SMCHD1: variants seen among roughly 807,000 people sequenced by gnomAD.
The protein encoded by SMCHD1 is structural maintenance of chromosomes flexible hinge domain-containing protein 1.
In SMCHD1, 78 loss-of-function variants were observed where a neutral mutation model predicts 254.7. The ratio of observed to expected loss-of-function variants is 0.31; its 90% CI spans 0.26 to 0.37. The LOEUF (loss-of-function observed/expected upper bound fraction) is 0.37. Among genes scored for constraint, SMCHD1 ranks in the 10% least tolerant of loss-of-function variants. The pLI is 1.00. For synonymous variants in SMCHD1, 766 were observed against 794.9 expected, an observed-to-expected ratio of 0.96 and a Z score of 0.61; for missense variants, 1,840 against 2,408.1, an observed-to-expected ratio of 0.76 and a Z score of 4.94.
intron 3 of SMCHD1, among the ~76,000 whole-genome samples, chr18:2,667,783 C>T (rs571786295): frequency 1.3e-5 from 2 of 152,134 alleles, no homozygotes; most frequent in African/African-American, 4.8e-5. Flanking sequence ...CTTTAACCTA[C>T]ATTTTGTTTA....
chr18:2,725,078 G>T (rs1358696255), intron 21 of SMCHD1, 83 bp downstream of exon 21: 2 of 834,132 alleles, frequency 2.4e-6, no homozygotes, highest in Non-Finnish European at 1.7e-6. Flanking sequence ...ATGAAAAGTG[G>T]AATGACCTAT....
At chr18:2,799,429 C>A (rs929479272) in intron 47 of SMCHD1, among the ~76,000 whole-genome samples, 2 of 152,162 alleles carry the variant, frequency 1.3e-5, no homozygotes, top group Non-Finnish European at 2.9e-5. Context: ...CCTATGCATC[C>A]TTACCCCTAT....
chr18:2,716,983 C>T (rs1190554435), intron 17 of SMCHD1, among the ~76,000 whole-genome samples: 2 of 152,246 alleles, frequency 1.3e-5, no homozygotes, highest in Non-Finnish European at 2.9e-5. Flanking sequence ...GCCCATATTA[C>T]ACTTGCCTCT....
At chr18:2,797,856 G>A (rs536221642) in intron 47 of SMCHD1, among the ~76,000 whole-genome samples, 79 of 152,274 alleles carry the variant, frequency 5.2e-4, no homozygotes, top group African/African-American at 1.9e-3. Flanking sequence ...AGCGGAGGTT[G>A]CAGTGAGCTG....
At chr18:2,790,221 C>T (rs1365072102) in intron 45 of SMCHD1, among the ~76,000 whole-genome samples, 2 of 152,062 alleles carry the variant, frequency 1.3e-5, no homozygotes, top group East Asian at 3.9e-4. Flanking sequence ...AGCATCTTAT[C>T]ATAATCAATA....
chr18:2,740,015 T>C (rs2075319037), intron 27 of SMCHD1, among the ~76,000 whole-genome samples: 2 of 151,696 alleles, frequency 1.3e-5, no homozygotes, highest in Non-Finnish European at 1.5e-5. Context: ...ACACGTGCCA[T>C]GGTGGTTTGC....
rs759587326 is a variant in SMCHD1 at position 2,763,707 on chromosome 18, A to G, written c.4637A>G (p.Glu1546Gly). 1 of 1,609,968 alleles carries G rather than the reference A, an allele frequency of 6.2e-7. No homozygotes were observed. The highest frequency in any genetic ancestry group is 1.7e-5 in the Admixed American group (1 of 59,362). The change falls in exon 37 of 48, where the codon GAG becomes GGG. Residue 1546 changes from glutamate to glycine, a missense_variant. Physicochemically the swap from Glu to Gly is moderately conservative, Grantham distance 98. This residue lies in a region of SMCHD1 where 881 missense variants were observed against 1,009.5 expected (regional missense o/e 0.87). Transcript: ENST00000320876. ...ATAGCCACCATTAAAGGCTCTAATG[A>G]GGAAGATACTGATACCCCACTTTTT... ...TIIATIKGSN[E>G]EDTDTPLFIG...
rs76979368 is a variant in SMCHD1 at position 2,762,975 on chromosome 18, G to A, written c.4567-662G>A. 8.8e-3 allele frequency among the ~76,000 whole-genome samples: 1,345 copies of A among 152,276 alleles called. 10 individuals carry two copies. The highest frequency in any genetic ancestry group is 0.02 in the Middle Eastern group (6 of 294). ...AGAAAATCAGAGCTCCTCCAAGGCT[G>A]CAGATTTCATGAAGCATAAGCAGCA... On this transcript the variant is annotated intron_variant, in intron 36 of 47. Coordinates refer to ENST00000320876, the MANE Select transcript of SMCHD1 (RefSeq NM_015295.3).
At chr18:2,717,522 A>G (rs1022379493) in intron 17 of SMCHD1, among the ~76,000 whole-genome samples, 6 of 152,100 alleles carry the variant, frequency 3.9e-5, no homozygotes, top group African/African-American at 1.2e-4. Context: ...TTGTAGAGAC[A>G]AGCCATCACT....
chr18:2,710,783 T>C (rs2074648532), intron 17 of SMCHD1, among the ~76,000 whole-genome samples: 1 of 152,208 alleles, frequency 6.6e-6, no homozygotes. Context: ...CTTTAACAGT[T>C]GAGTACATGC....
chr18:2,677,634 G>T (rs2073782756), intron 5 of SMCHD1, among the ~76,000 whole-genome samples: 1 of 152,190 alleles, frequency 6.6e-6, no homozygotes, highest in Admixed American at 6.5e-5. Flanking sequence ...GTTTTGTTTT[G>T]TTTTGTTTTT....
At position 2,804,103 on chromosome 18, in the gene SMCHD1, T is replaced by A. The variant is rs1196836729; in HGVS notation, c.*1551T>A. On this transcript the variant is annotated 3_prime_UTR_variant, in exon 48 of 48. Coordinates refer to ENST00000320876, the MANE Select transcript of SMCHD1 (RefSeq NM_015295.3). ...ATTAGATTATATGAAAATGATTGAT[T>A]GATAGGTAAGAAAGGTTAAAGAGAA... 1 of 152,164 alleles carries A rather than the reference T, an allele frequency of 6.6e-6. No individual in the cohort carries two copies. Among genetic ancestry groups the A allele is most frequent in the Non-Finnish European group, 1.5e-5 (1 of 68,032 alleles). 9.4% of individuals were successfully genotyped at this position (152,164 alleles called of 1,614,324 possible).
At chr18:2,692,415 C>A (rs1462763503) in intron 7 of SMCHD1, among the ~76,000 whole-genome samples, 1 of 152,132 alleles carries the variant, frequency 6.6e-6, no homozygotes, top group Non-Finnish European at 1.5e-5. Flanking sequence ...ATCCGTAAAC[C>A]TTTCTTATTC....
In SMCHD1 at chr18:2,666,152, G is replaced by T; in HGVS notation, c.187-5G>T. ...ATAAGTGATTTTATTTCTTATTTTG[G>T]ATAGACACTTGGCATTTCACCTGAA... is the stretch of plus-strand genomic sequence containing the variant. On this transcript the variant is annotated splice_region_variant and splice_polypyrimidine_tract_variant and intron_variant, in intron 1 of 47. Transcript: ENST00000320876. 1 of 1,387,678 alleles carries T rather than the reference G, an allele frequency of 7.2e-7. No homozygotes were observed. The highest frequency in any genetic ancestry group is 1.8e-5 in the Admixed American group (1 of 54,902). 86.0% of individuals were successfully genotyped at this position (1,387,678 alleles called of 1,614,324 possible). A position where few individuals can be genotyped will look rare whatever the true frequency, so the allele number is the denominator to read the frequency against.
At chr18:2,749,148 A>G (rs1304587777) in intron 30 of SMCHD1, among the ~76,000 whole-genome samples, 1 of 152,224 alleles carries the variant, frequency 6.6e-6, no homozygotes, top group East Asian at 1.9e-4. Context: ...TACTTTGAGA[A>G]AGATGGGTTG....
At chr18:2,694,005 C>T (rs1403928833) in intron 7 of SMCHD1, among the ~76,000 whole-genome samples, 1 of 152,158 alleles carries the variant, frequency 6.6e-6, no homozygotes, top group Admixed American at 6.6e-5. Context: ...CCCCTACTAA[C>T]TCCCTTCCAT....
chr18:2,690,033 A>T (rs1426015552), intron 7 of SMCHD1, among the ~76,000 whole-genome samples: 3 of 152,048 alleles, frequency 2.0e-5, no homozygotes, highest in Non-Finnish European at 4.4e-5. Flanking sequence ...AAAAATTTTT[A>T]AAAGGTAATT....
At chr18:2,682,655 A>T (rs930454635) in intron 5 of SMCHD1, among the ~76,000 whole-genome samples, 3 of 152,148 alleles carry the variant, frequency 2.0e-5, no homozygotes, top group African/African-American at 7.2e-5. Flanking sequence ...GACACCTCTT[A>T]TGTTTTGTTT....
intron 3 of SMCHD1, among the ~76,000 whole-genome samples, chr18:2,667,802 G>T (rs1371585239): frequency 1.3e-5 from 2 of 152,030 alleles, no homozygotes; most frequent in Admixed American, 1.3e-4. Flanking sequence ...TAAAAATAAA[G>T]TGAACATCTT....
Sources: gnomAD v4.1 joint callset for allele counts (sites outside exome capture counted in the v4.1 genomes callset) on GRCh38, gnomAD v4.1.1 for gene constraint, gnomAD v4.1.1 regional missense constraint, MANE v1.5 for transcripts, NCBI Gene and HGNC (gene_info 2026-07-23, HGNC 2026-07-21) for gene names.